TMTC2: variants seen among roughly 807,000 people sequenced by gnomAD.
TMTC2 encodes protein O-mannosyl-transferase TMTC2.
TMTC2 carries 43 observed loss-of-function variants against 82.4 expected under a neutral mutation model. That is an observed-to-expected ratio of 0.52 (90% CI 0.41 to 0.67). TMTC2 has a LOEUF of 0.67. TMTC2 is among the 30% of genes least tolerant of loss of function. The pLI is 0.00. For missense variants in TMTC2, 919 were observed against 1,012.4 expected (o/e 0.91, Z 1.25); for synonymous variants, 408 against 381.9 (o/e 1.07, Z -0.80).
chr12:82,731,945 T>G (rs1478708401), intron 1 of TMTC2, among the ~76,000 whole-genome samples: 2 of 152,220 alleles, frequency 1.3e-5, no homozygotes, highest in African/African-American at 2.4e-5. Context: ...CTTTTCTTTC[T>G]CCTTGCTTGT....
intron 4 of TMTC2, among the ~76,000 whole-genome samples, chr12:82,952,533 A>G (rs1877402336): frequency 6.6e-6 from 1 of 152,014 alleles, no homozygotes; most frequent in African/African-American, 2.4e-5. Context: ...ACACACACAC[A>G]CACACATATG....
chr12:83,014,240 G>A (rs912901709), intron 8 of TMTC2, among the ~76,000 whole-genome samples: 13 of 152,054 alleles, frequency 8.5e-5, no homozygotes, highest in Non-Finnish European at 1.9e-4. Context: ...TCCTCTCACC[G>A]TAACCTCTGC....
At chr12:82,744,192 C>T (rs1309952851) in intron 1 of TMTC2, among the ~76,000 whole-genome samples, 3 of 152,176 alleles carry the variant, frequency 2.0e-5, no homozygotes, top group East Asian at 3.9e-4. Context: ...GAGGCCGAGG[C>T]GGGCGGATTG....
chr12:82,912,079 A>G (rs530802178), intron 3 of TMTC2, among the ~76,000 whole-genome samples: 15 of 152,348 alleles, frequency 9.8e-5, no homozygotes, highest in African/African-American at 3.6e-4. Context: ...CTTAAACAGC[A>G]TAATTCAGTT....
At chr12:83,127,582 G>A (rs1517817) in intron 11 of TMTC2, among the ~76,000 whole-genome samples, 99,092 of 152,016 alleles carry the variant, frequency 0.65, 34,525 homozygotes, top group African/African-American at 0.91. Context: ...CCTGATCCCA[G>A]TAGAAACATG....
At chr12:83,025,050 G>A (rs1028011401) in intron 8 of TMTC2, among the ~76,000 whole-genome samples, 24 of 152,046 alleles carry the variant, frequency 1.6e-4, no homozygotes, top group South Asian at 2.1e-4. Context: ...AAAATTAGCC[G>A]GGTGTGGTGG....
At chr12:83,045,855 TAGAC>T (rs1379950935) in intron 9 of TMTC2, among the ~76,000 whole-genome samples, 1 of 151,990 alleles carries the variant, frequency 6.6e-6, no homozygotes, top group Non-Finnish European at 1.5e-5. Context: ...TGGTTCCTAA[TAGAC>T]AGAAAACACC....
chr12:82,813,082 C>T (rs1449164983), intron 1 of TMTC2, among the ~76,000 whole-genome samples: 2 of 151,806 alleles, frequency 1.3e-5, no homozygotes, highest in African/African-American at 4.8e-5. Context: ...TCCCCAACCT[C>T]ACTGTAATAG....
intron 1 of TMTC2, among the ~76,000 whole-genome samples, chr12:82,848,189 T>G (rs1870793808): frequency 6.6e-6 from 1 of 152,142 alleles, no homozygotes; most frequent in Non-Finnish European, 1.5e-5. Flanking sequence ...TTATTCCTGC[T>G]GCTCCATCCC....
intron 4 of TMTC2, among the ~76,000 whole-genome samples, chr12:82,936,267 T>A (rs1227722784): frequency 1.3e-5 from 2 of 152,048 alleles, no homozygotes; most frequent in Non-Finnish European, 2.9e-5. Flanking sequence ...GTTTCACAAG[T>A]GAGTTCTGTC....
intron 3 of TMTC2, among the ~76,000 whole-genome samples, chr12:82,922,020 T>C (rs543723234): frequency 1.3e-5 from 2 of 151,376 alleles, no homozygotes; most frequent in South Asian, 2.1e-4. Context: ...GGTGGGAGGA[T>C]TGCTTAAGCC....
In TMTC2 at chr12:82,696,963, C is replaced by CATATATATATATATATATATAT. The variant is rs1491534159; in HGVS notation, c.83+9294_83+9295insATATATATATATATATATATAT. ...AGCTCTCTTTCTACATACATACATA[C>CATATATATATATATATATATAT]GTATATATATATATATATATGTTTC... On this transcript the variant is annotated intron_variant, in intron 1 of 11. Transcript: ENST00000321196. 1.2e-3 allele frequency among the ~76,000 whole-genome samples: 147 copies of CATATATATATATATATATATAT among 121,390 alleles called. 3 individuals are homozygous for CATATATATATATATATATATAT. Among genetic ancestry groups the CATATATATATATATATATATAT allele is most frequent in the Middle Eastern group, 4.3e-3 (1 of 234 alleles). The allele number at this position is 121,390 out of a possible 152,430, so 79.6% of individuals were successfully genotyped here.
At chr12:82,976,415 A>AT (rs201375726) in intron 7 of TMTC2, among the ~76,000 whole-genome samples, 1 of 151,964 alleles carries the variant, frequency 6.6e-6, no homozygotes, top group Non-Finnish European at 1.5e-5. Context: ...TGAAACACAT[A>AT]TTTTTTTCCA....
rs1268439222 is a variant in TMTC2, at chr12:82,719,082, TA to T, written c.83+31414del. ...TTTTATATATATATATATATATATA[TA>T]TATTTTTTTTTTTTTTTTTTTTTTT... On this transcript the variant is annotated intron_variant, in intron 1 of 11. Coordinates refer to ENST00000321196, the MANE Select transcript of TMTC2 (RefSeq NM_152588.3). Among the ~76,000 whole-genome samples, 111 of 66,648 alleles carry T rather than the reference TA, an allele frequency of 1.7e-3. 3 individuals carry two copies. The highest frequency in any genetic ancestry group is 0.011 in the East Asian group (21 of 1,942). The allele number at this position is 66,648 out of a possible 152,430, so 43.7% of individuals were successfully genotyped here. A position where few individuals can be genotyped will look rare whatever the true frequency, so the allele number is the denominator to read the frequency against.
rs138171079 is a variant in TMTC2 at position 83,126,456 on chromosome 12, G to A, written c.2332-5754G>A. On this transcript the variant is annotated intron_variant, in intron 11 of 11. Transcript: ENST00000321196. ...AACCTGCATATGGCTTTAGTCATAC[G>A]TTTCTTTATTCATTTTGTCAATCAG... Among the ~76,000 whole-genome samples, 198 of 152,060 alleles carry A rather than the reference G, an allele frequency of 1.3e-3. 2 individuals carry two copies. In the East Asian group the frequency reaches 0.014, roughly 11 times the overall value.
chr12:83,130,734 G>C (rs1885235459), intron 11 of TMTC2, among the ~76,000 whole-genome samples: 1 of 152,148 alleles, frequency 6.6e-6, no homozygotes, highest in South Asian at 2.1e-4. Context: ...GATATTTGTA[G>C]AGTGTCTAAT....
At chr12:82,862,106 A>G (rs150699151) in intron 2 of TMTC2, among the ~76,000 whole-genome samples, 2 of 152,314 alleles carry the variant, frequency 1.3e-5, no homozygotes, top group East Asian at 3.9e-4. Context: ...TTTTAGCATT[A>G]CTTAGATTAC....
At chr12:82,771,064 A>G (rs754482653) in intron 1 of TMTC2, among the ~76,000 whole-genome samples, 1 of 152,002 alleles carries the variant, frequency 6.6e-6, no homozygotes, top group African/African-American at 2.4e-5. Context: ...AAAATTAGCC[A>G]GGCATGGTGG....
chr12:82,860,587 G>A (rs1336548721), intron 2 of TMTC2, among the ~76,000 whole-genome samples: 1 of 152,254 alleles, frequency 6.6e-6, no homozygotes, highest in Non-Finnish European at 1.5e-5. Flanking sequence ...TCCCAGAGTT[G>A]TGAGGCTTAT....
Sources: allele counts gnomAD v4.1 joint callset (sites outside exome capture counted in the v4.1 genomes callset), GRCh38; gene constraint gnomAD v4.1.1; transcripts MANE v1.5; gene names NCBI Gene and HGNC (gene_info 2026-07-23, HGNC 2026-07-21).